CLVS1: variants seen among roughly 807,000 people sequenced by gnomAD.
The protein encoded by CLVS1 is clavesin 1.
CLVS1 carries 10 observed loss-of-function variants against 33.1 expected under a neutral mutation model. The ratio of observed to expected loss-of-function variants is 0.30; its 90% CI spans 0.19 to 0.51. The LOEUF (loss-of-function observed/expected upper bound fraction) is 0.51, where lower values mean the gene tolerates loss of function less well. CLVS1 is among the 20% of genes least tolerant of loss of function. The pLI is 0.97. For missense variants in CLVS1, 343 were observed against 433.4 expected, an observed-to-expected ratio of 0.79 and a Z score of 1.85; for synonymous variants, 163 against 166.1, an observed-to-expected ratio of 0.98 and a Z score of 0.14.
chr8:61,288,547 G>A (rs1809860653), intron 1 of CLVS1, among the ~76,000 whole-genome samples: 1 of 152,214 alleles, frequency 6.6e-6, no homozygotes, highest in African/African-American at 2.4e-5. Flanking sequence ...AAAGAGAGAC[G>A]CCTGTTTGCG....
chr8:61,355,748 AT>A (rs563264787), intron 2 of CLVS1, among the ~76,000 whole-genome samples: 12,514 of 152,110 alleles, frequency 0.082, 1,332 homozygotes, highest in African/African-American at 0.25. Context: ...TGAAGTCATC[AT>A]TTTTTATGGC....
chr8:61,286,699 T>C (rs1353655550), upstream of CLVS1, among the ~76,000 whole-genome samples: 1 of 152,244 alleles, frequency 6.6e-6, no homozygotes, highest in Non-Finnish European at 1.5e-5. Flanking sequence ...TTCTGATGAC[T>C]TTAAAGTCTT....
At chr8:61,061,437 T>C (rs888564500) in intron 1 of CLVS1, among the ~76,000 whole-genome samples, 34 of 152,274 alleles carry the variant, frequency 2.2e-4, no homozygotes, top group Non-Finnish European at 1.2e-4. Context: ...CTGTATTGCT[T>C]CCTGCACAAT....
the CLVS1 span, among the ~76,000 whole-genome samples, chr8:60,998,720 G>A: frequency 6.6e-6 from 1 of 152,250 alleles, no homozygotes; most frequent in East Asian, 1.9e-4. Context: ...AATTTAAAAA[G>A]GAAGAATCCA....
At chr8:61,217,566 T>C (rs1293458202) in intron 2 of CLVS1, among the ~76,000 whole-genome samples, 2 of 152,158 alleles carry the variant, frequency 1.3e-5, no homozygotes, top group African/African-American at 4.8e-5. Flanking sequence ...GTGGGCTTGA[T>C]ACTAGACTTC....
chr8:61,228,600 A>G (rs577320390), intron 2 of CLVS1, among the ~76,000 whole-genome samples: 4 of 152,262 alleles, frequency 2.6e-5, no homozygotes, highest in African/African-American at 7.2e-5. Flanking sequence ...CTTTGTTTTT[A>G]TGAGTTCTAC....
intron 1 of CLVS1, among the ~76,000 whole-genome samples, chr8:61,121,649 T>A (rs1805873153): frequency 1.3e-5 from 2 of 152,186 alleles, no homozygotes; most frequent in African/African-American, 4.8e-5. Context: ...GAACAGATAT[T>A]GTGGCCTGTG....
At chr8:61,453,087 A>ATTT (rs11420974) in intron 3 of CLVS1, among the ~76,000 whole-genome samples, 2,254 of 148,446 alleles carry the variant, frequency 0.015, 21 homozygotes, top group South Asian at 0.04. Flanking sequence ...TCTTGCTAAC[A>ATTT]TTTTTTTTTT....
At position 61,463,939 on chromosome 8, in the gene CLVS1, G is replaced by A. The variant is rs190229758; in HGVS notation, c.977+5397G>A. 1.2e-3 allele frequency among the ~76,000 whole-genome samples: 176 copies of A among 151,954 alleles called. 1 individual carries two copies. The highest frequency in any genetic ancestry group is 0.01 in the Admixed American group (155 of 15,266). On this transcript the variant is annotated intron_variant, in intron 5 of 5. Coordinates refer to ENST00000325897, the MANE Select transcript of CLVS1 (RefSeq NM_173519.3). ...CAAAAAAAAATTAGCCAGGTTTTGC[G>A]GTGGGTGCCTATAGTCCTAGCTACT...
chr8:61,347,921 A>G (rs1159886780), intron 2 of CLVS1, among the ~76,000 whole-genome samples: 1 of 151,178 alleles, frequency 6.6e-6, no homozygotes, highest in Admixed American at 6.6e-5. Flanking sequence ...TTTTCTCCAT[A>G]TTCTTTCCAT....
At chr8:61,251,636 A>G (rs1563463124) in intron 2 of CLVS1, among the ~76,000 whole-genome samples, 1 of 151,964 alleles carries the variant, frequency 6.6e-6, no homozygotes, top group Admixed American at 6.6e-5. Flanking sequence ...CCTGGTTTCA[A>G]CTTGGGAGAG....
intron 2 of CLVS1, among the ~76,000 whole-genome samples, chr8:61,252,386 A>G (rs1161386367): frequency 6.6e-6 from 1 of 152,162 alleles, no homozygotes; most frequent in East Asian, 1.9e-4. Context: ...AGAAGAATGT[A>G]TATTCTGTTG....
At chr8:61,411,077 G>T (rs1003434567) in intron 3 of CLVS1, among the ~76,000 whole-genome samples, 2 of 152,194 alleles carry the variant, frequency 1.3e-5, no homozygotes, top group African/African-American at 4.8e-5. Context: ...ACCTATATCT[G>T]CATTCTAGGC....
chr8:61,138,473 T>G (rs1040951483), intron 2 of CLVS1, among the ~76,000 whole-genome samples: 59 of 152,358 alleles, frequency 3.9e-4, no homozygotes, highest in African/African-American at 1.4e-3. Context: ...CTAAAATGTC[T>G]TGAGTGCTTA....
chr8:61,040,598 G>A, the CLVS1 span, among the ~76,000 whole-genome samples: 1 of 152,252 alleles, frequency 6.6e-6, no homozygotes, highest in African/African-American at 2.4e-5. Context: ...GTGATGATGA[G>A]CATTTTTTTC....
At chr8:60,967,697 G>A in the CLVS1 span, 1 of 455,992 alleles carries the variant, frequency 2.2e-6, no homozygotes, top group South Asian at 1.5e-5. Flanking sequence ...CCACTGCTCA[G>A]GGTGTGGGTG....
intron 2 of CLVS1, among the ~76,000 whole-genome samples, chr8:61,316,682 A>C (rs979856393): frequency 1.1e-4 from 16 of 152,314 alleles, no homozygotes; most frequent in African/African-American, 3.9e-4. Flanking sequence ...GAATTAAGAT[A>C]TATTTTGCTC....
At chr8:61,254,258 G>C (rs1285116348) in intron 2 of CLVS1, among the ~76,000 whole-genome samples, 1 of 152,192 alleles carries the variant, frequency 6.6e-6, no homozygotes, top group Non-Finnish European at 1.5e-5. Context: ...AGCAAATGTT[G>C]CTGCCTGATC....
chr8:61,331,481 T>A (rs563521794), intron 2 of CLVS1, among the ~76,000 whole-genome samples: 200 of 151,908 alleles, frequency 1.3e-3, no homozygotes, highest in Non-Finnish European at 2.5e-3. Flanking sequence ...TATTATTATT[T>A]TTAACTTTTG....
Sources: allele counts gnomAD v4.1 joint callset (sites outside exome capture counted in the v4.1 genomes callset), GRCh38; gene constraint gnomAD v4.1.1; transcripts MANE v1.5; gene names NCBI Gene and HGNC (gene_info 2026-07-23, HGNC 2026-07-21).